Variants in FRAS1 observed in about 807,000 individuals in gnomAD.
FRAS1 encodes extracellular matrix organizing protein FRAS1.
Under a neutral mutation model 435.2 loss-of-function variants are expected in FRAS1, and 290 were observed. That is an observed-to-expected ratio of 0.67 (90% CI 0.61 to 0.73). The LOEUF (loss-of-function observed/expected upper bound fraction) is 0.73. FRAS1 is among the 30% of genes least tolerant of loss of function. The pLI, the probability that FRAS1 is intolerant of heterozygous loss-of-function variation, is 0.00. For missense variants in FRAS1, 4,860 were observed against 5,001.5 expected, an observed-to-expected ratio of 0.97 and a Z score of 0.85; for synonymous variants, 1,800 against 1,851.0, an observed-to-expected ratio of 0.97 and a Z score of 0.71.
At chr4:78,067,909 G>T (rs1475519076) in intron 2 of FRAS1, among the ~76,000 whole-genome samples, 3 of 140,892 alleles carry the variant, frequency 2.1e-5, no homozygotes, top group Non-Finnish European at 3.1e-5. Flanking sequence ...TTGGCATGTT[G>T]GCCAGGCTGG....
intron 2 of FRAS1, among the ~76,000 whole-genome samples, chr4:78,084,192 T>G (rs532728630): frequency 4.1e-4 from 62 of 152,256 alleles, no homozygotes; most frequent in African/African-American, 1.2e-3. Context: ...AATATTTTTT[T>G]GGGGGACCAC....
intron 47 of FRAS1, among the ~76,000 whole-genome samples, chr4:78,459,962 G>C (rs555514912): frequency 1.8e-3 from 272 of 152,276 alleles, no homozygotes; most frequent in African/African-American, 6.4e-3. Context: ...ACTATTTCCA[G>C]ATAAGTTACA....
chr4:78,440,949 T>C (rs1297039657), intron 40 of FRAS1, among the ~76,000 whole-genome samples: 2 of 152,082 alleles, frequency 1.3e-5, no homozygotes, highest in Non-Finnish European at 2.9e-5. Flanking sequence ...GATACAGAAG[T>C]CATCATGTCT....
intron 2 of FRAS1, among the ~76,000 whole-genome samples, chr4:78,209,051 G>A (rs1723389995): frequency 1.3e-5 from 2 of 152,062 alleles, no homozygotes; most frequent in South Asian, 4.1e-4. Flanking sequence ...AGGCTGAGGT[G>A]GGAGGATTTC....
In FRAS1 at chr4:78,478,006, G is replaced by GATCT. The variant is rs1560749866; in HGVS notation, c.8045_8048dup (p.Trp2684LeufsTer4). 1 of 1,607,136 alleles carries GATCT rather than the reference G, an allele frequency of 6.2e-7. No homozygotes were observed. Among genetic ancestry groups the GATCT allele is most frequent in the Non-Finnish European group, 8.5e-7 (1 of 1,176,704 alleles). ...AACCCACATTAGAGTTTGACAAGAA[G>GATCT]ATCTACTGGGTTAACGAGAGCGCTG... On this transcript the variant is annotated frameshift_variant, in exon 55 of 74. Coordinates refer to ENST00000512123, the MANE Select transcript of FRAS1 (RefSeq NM_025074.7). LOFTEE classifies it high-confidence loss of function.
At chr4:78,182,353 G>A (rs1056389191) in intron 2 of FRAS1, among the ~76,000 whole-genome samples, 4 of 152,158 alleles carry the variant, frequency 2.6e-5, no homozygotes, top group Admixed American at 2.6e-4. Context: ...CCATACTGAG[G>A]CCAGATAAGG....
At chr4:78,244,748 T>C (rs548896602) in intron 3 of FRAS1, among the ~76,000 whole-genome samples, 2 of 152,294 alleles carry the variant, frequency 1.3e-5, no homozygotes, top group East Asian at 1.9e-4. Flanking sequence ...TGCAGAGATA[T>C]TACTTCCTCT....
chr4:78,384,374 CGTAA>C (rs1732138417), intron 28 of FRAS1, among the ~76,000 whole-genome samples: 1 of 152,102 alleles, frequency 6.6e-6, no homozygotes, highest in Admixed American at 6.5e-5. Flanking sequence ...TAGTGTTTCA[CGTAA>C]GTAACTCAGT....
At chr4:78,491,920 A>G (rs1345768289) in intron 59 of FRAS1, among the ~76,000 whole-genome samples, 2 of 152,234 alleles carry the variant, frequency 1.3e-5, no homozygotes, top group Non-Finnish European at 2.9e-5. Flanking sequence ...TCTCAGCCCC[A>G]AATCTCCTTA....
intron 35 of FRAS1, among the ~76,000 whole-genome samples, chr4:78,425,952 A>G (rs1344817848): frequency 6.6e-6 from 1 of 152,122 alleles, no homozygotes; most frequent in East Asian, 1.9e-4. Flanking sequence ...GCCCACGCAC[A>G]TAGTAATATT....
intron 2 of FRAS1, among the ~76,000 whole-genome samples, chr4:78,151,483 C>A (rs1720659030): frequency 6.6e-6 from 1 of 152,094 alleles, no homozygotes; most frequent in Admixed American, 6.6e-5. Context: ...GTCACTTGCC[C>A]CACTATCCAC....
chr4:78,225,994 A>AT (rs1174208457), intron 2 of FRAS1, among the ~76,000 whole-genome samples: 4 of 152,062 alleles, frequency 2.6e-5, no homozygotes, highest in Non-Finnish European at 5.9e-5. Context: ...GAATCAATCC[A>AT]TTATGTTTTA....
intron 2 of FRAS1, among the ~76,000 whole-genome samples, chr4:78,124,180 G>A (rs565351451): frequency 2.8e-4 from 42 of 152,308 alleles, no homozygotes; most frequent in African/African-American, 1.0e-3. Context: ...TTTTTGGCAT[G>A]AAAGTCTGTT....
At chr4:78,094,104 GTTTTTTTTTTTT>G (rs71214395) in intron 2 of FRAS1, among the ~76,000 whole-genome samples, 5 of 106,616 alleles carry the variant, frequency 4.7e-5, no homozygotes, top group Non-Finnish European at 7.6e-5. Flanking sequence ...GAATAACCAA[GTTTTTTTTTTTT>G]TTTTTTTTTT....
chr4:78,361,945 A>T (rs1212814468), intron 20 of FRAS1, among the ~76,000 whole-genome samples: 1 of 152,182 alleles, frequency 6.6e-6, no homozygotes, highest in Non-Finnish European at 1.5e-5. Flanking sequence ...GGGTTAAAGG[A>T]TGATAAATGG....
chr4:78,387,742 A>G (rs12645991), intron 29 of FRAS1, 41 bp downstream of exon 29: 7 of 1,295,878 alleles, frequency 5.4e-6, no homozygotes, highest in Admixed American at 5.0e-5. Flanking sequence ...TTGCACCTAG[A>G]TGTGAACTTC....
intron 2 of FRAS1, chr4:78,182,012 A>G: frequency 1.3e-6 from 2 of 1,546,396 alleles, no homozygotes; most frequent in Non-Finnish European, 1.7e-6. Flanking sequence ...GTTGGTGACC[A>G]CACAGCCGAA....
intron 9 of FRAS1, among the ~76,000 whole-genome samples, chr4:78,269,154 TA>T (rs1165046182): frequency 6.6e-6 from 1 of 152,254 alleles, no homozygotes; most frequent in Non-Finnish European, 1.5e-5. Flanking sequence ...CTGGATGTAC[TA>T]ACTTCCTAAC....
At position 78,407,839 on chromosome 4, in the gene FRAS1, G is replaced by A. The variant is rs143503510; in HGVS notation, c.4306G>A (p.Glu1436Lys). ...APAQSDSFRF[E>K]VSSASNAQTR... ...AGCCCAGAGCGACTCCTTCCGCTTC[G>A]AGGTACCCTCTGCTTCCTGACTTTT... The change falls in exon 31 of 74, where the codon GAG becomes AAG. Residue 1436 changes from glutamate to lysine, a missense_variant and splice_region_variant. Physicochemically the swap from Glu to Lys is moderately conservative, Grantham distance 56. Transcript: ENST00000512123. 1.3e-5 allele frequency: 21 copies of A among 1,592,556 alleles called. No homozygotes were observed. The highest frequency in any genetic ancestry group is 1.7e-5 in the Admixed American group (1 of 57,714).
Sources: allele counts gnomAD v4.1 joint callset (sites outside exome capture counted in the v4.1 genomes callset), GRCh38; gene constraint gnomAD v4.1.1; transcripts MANE v1.5; gene names NCBI Gene and HGNC (gene_info 2026-07-23, HGNC 2026-07-21).